Variants in KDM3A observed in about 807,000 individuals in gnomAD.
The protein encoded by KDM3A is lysine-specific demethylase 3A.
Under a neutral mutation model 158.0 loss-of-function variants are expected in KDM3A, and 60 were observed. That is an observed-to-expected ratio of 0.38 (90% CI 0.31 to 0.47). KDM3A has a LOEUF of 0.47. Ranked by LOEUF, KDM3A falls within the 20% of genes least tolerant of loss-of-function variation. The pLI, the probability that KDM3A is intolerant of heterozygous loss-of-function variation, is 0.99. For missense variants in KDM3A, 1,319 were observed against 1,574.3 expected (o/e 0.84, Z 2.74); for synonymous variants, 608 against 549.3 (o/e 1.11, Z -1.49).
intron 25 of KDM3A, chr2:86,491,780 G>GT (rs780311952): frequency 2.1e-6 from 1 of 465,490 alleles, no homozygotes; most frequent in Non-Finnish European, 3.9e-6. Context: ...GCCTCTCCCT[G>GT]TACTCACTGT....
chr2:86,467,468 AAG>A (rs1453241872), intron 10 of KDM3A: 1 of 152,274 alleles, frequency 6.6e-6, no homozygotes, highest in Non-Finnish European at 1.5e-5. Context: ...AACTACCAGG[AAG>A]AGTCTCTTTG....
intron 11 of KDM3A, among the ~76,000 whole-genome samples, chr2:86,471,289 GTATATATGTGTGTATGTGTATATA>G (rs1673392022): frequency 6.7e-6 from 1 of 150,094 alleles, no homozygotes. Flanking sequence ...GTGTATATAT[GTATATATGTGTGTATGTGTATATA>G]TGTGTATATG....
intron 1 of KDM3A, 77 bp downstream of exon 1, chr2:86,441,521 G>T (rs1682703007): frequency 6.6e-6 from 1 of 150,920 alleles, no homozygotes. Context: ...CCCGTCGCCC[G>T]TTGGCAGCGG....
In KDM3A at chr2:86,450,959, A is replaced by C. The variant is rs930699627; in HGVS notation, c.343-144A>C. The C allele has an allele frequency of 7.1e-6, 4 of 562,248 alleles. No homozygotes were observed. The African/African-American group carries it at 7.6e-5, about 11-fold the overall frequency. The allele number at this position is 562,248 out of a possible 1,614,324, so 34.8% of individuals were successfully genotyped here. A position where few individuals can be genotyped will look rare whatever the true frequency, so the allele number is the denominator to read the frequency against. On this transcript the variant is annotated intron_variant, in intron 3 of 25. Transcript: ENST00000312912. ...AAAATTGTATTATCTATGGCTGCAT[A>C]AATAGTTGTTATGAGATAACTTGCA...
At chr2:86,489,820 C>T (rs1228232714) in intron 23 of KDM3A, 161 bp downstream of exon 23, 1 of 655,420 alleles carries the variant, frequency 1.5e-6, no homozygotes, top group Non-Finnish European at 2.5e-6. Context: ...TGCTAAGGAA[C>T]AAGGATTCTA....
intron 11 of KDM3A, among the ~76,000 whole-genome samples, chr2:86,471,253 G>GTGTGTATATATA (rs1449217204): frequency 1.1e-4 from 17 of 151,088 alleles, no homozygotes; most frequent in Admixed American, 7.2e-4. Flanking sequence ...GTGAATATAT[G>GTGTGTATATATA]TGTGTATATA....
At position 86,458,707 on chromosome 2, in the gene KDM3A, T is replaced by A. The variant is rs113321235; in HGVS notation, c.843+1636T>A. On this transcript the variant is annotated intron_variant, in intron 8 of 25. Transcript: ENST00000312912. Reference sequence around the variant, plus strand: ...GACAGGGAGGACGTGTCTTGTTTGGTGAAGGGCAAATGTTTCATTGTGGCA... The same window carrying A: ...GACAGGGAGGACGTGTCTTGTTTGGAGAAGGGCAAATGTTTCATTGTGGCA... Among the ~76,000 whole-genome samples, 492 of 152,138 alleles carry A rather than the reference T, an allele frequency of 3.2e-3. 3 individuals carry two copies. Among genetic ancestry groups the A allele is most frequent in the African/African-American group, 0.011 (465 of 41,486 alleles).
In KDM3A at chr2:86,492,337, C is replaced by T. The variant is rs760105928; in HGVS notation, c.*218C>T. 2 of 475,354 alleles carry T rather than the reference C, an allele frequency of 4.2e-6. No individual in the cohort carries two copies. The highest frequency in any genetic ancestry group is 7.5e-6 in the Non-Finnish European group (2 of 265,416). The allele number at this position is 475,354 out of a possible 1,614,324, so 29.4% of individuals were successfully genotyped here. On this transcript the variant is annotated 3_prime_UTR_variant, in exon 26 of 26. Transcript: ENST00000312912. ...CATGCATCCTTAAACTGTGACTTCT[C>T]ACCTAGTGCAGAACTTTTACCAGGC...
At chr2:86,464,821 G>A (rs575570398) in intron 9 of KDM3A, among the ~76,000 whole-genome samples, 28 of 152,352 alleles carry the variant, frequency 1.8e-4, no homozygotes, top group Admixed American at 1.0e-3. Flanking sequence ...GGTGGCCTGC[G>A]TAGGCAGGCA....
At chr2:86,475,556 G>T (rs557722482) in intron 12 of KDM3A, among the ~76,000 whole-genome samples, 22 of 152,174 alleles carry the variant, frequency 1.4e-4, no homozygotes, top group Non-Finnish European at 2.9e-4. Context: ...TTAAGCCACA[G>T]GAATCAGGGT....
chr2:86,488,246 C>T (rs988670480), intron 21 of KDM3A: 5 of 152,080 alleles, frequency 3.3e-5, no homozygotes, highest in Non-Finnish European at 7.4e-5. Flanking sequence ...TTGCTTTTTA[C>T]TATGGAACTA....
chr2:86,466,850 T>C lies in KDM3A; in HGVS notation c.1486T>C (p.Cys496Arg). The stretch of plus-strand genomic sequence containing the variant: ...TTCAGTAAAAGTAGATAATGAAAGC[T>C]GTTGTTCAAGAAGCAACAATAAAAT... Reference protein sequence around the residue: ...ESSVKVDNESCCSRSNNKIQN... With the variant: ...ESSVKVDNESRCSRSNNKIQN... The change falls in exon 10 of 26, where the codon TGT (cysteine) becomes CGT (arginine). Residue 496 changes from cysteine (C) to arginine (R), a missense_variant. Coordinates refer to ENST00000312912, the MANE Select transcript of KDM3A (RefSeq NM_018433.6). 6.2e-7 allele frequency: 1 copy of C among 1,608,468 alleles called. No individual in the cohort carries two copies. Among genetic ancestry groups the C allele is most frequent in the Non-Finnish European group, 8.5e-7 (1 of 1,177,760 alleles).
In KDM3A at chr2:86,484,022, C is replaced by G; in HGVS notation, c.2958C>G (p.Asn986Lys). ...TGTCTGGAGTGCATCATAAATTGAACTCTGAACTTTGGAAACCTGAATCCT... is the reference window on the plus strand; with the variant it reads ...TGTCTGGAGTGCATCATAAATTGAAGTCTGAACTTTGGAAACCTGAATCCT... ...VMVSGVHHKLNSELWKPESFR... is the reference protein window; with the variant it reads ...VMVSGVHHKLKSELWKPESFR... Residue 986 changes from asparagine (N) to lysine (K), a missense_variant, in exon 19 of 26, where the codon AAC becomes AAG. Physicochemically the swap from Asn to Lys is moderately conservative, Grantham distance 94 (BLOSUM62 0). This residue lies in a region of KDM3A where 368 missense variants were observed against 415.8 expected (regional missense o/e 0.89). Coordinates refer to ENST00000312912, the MANE Select transcript of KDM3A (RefSeq NM_018433.6). 6.2e-7 allele frequency: 1 copy of G among 1,613,862 alleles called. No homozygotes were observed. Among genetic ancestry groups the G allele is most frequent in the Non-Finnish European group, 8.5e-7 (1 of 1,179,868 alleles).
chr2:86,453,689 A>C (rs1672565934), intron 4 of KDM3A, among the ~76,000 whole-genome samples: 1 of 152,344 alleles, frequency 6.6e-6, no homozygotes, highest in South Asian at 2.1e-4. Flanking sequence ...TGCATGAGAA[A>C]AAAACAAAAA....
intron 10 of KDM3A, chr2:86,467,248 T>G (rs1673196836): frequency 6.3e-6 from 1 of 158,406 alleles, no homozygotes; most frequent in Admixed American, 6.2e-5. Context: ...TGGTTCCCAA[T>G]TCTTAGGTTA....
intron 16 of KDM3A, among the ~76,000 whole-genome samples, chr2:86,481,339 G>A (rs758500165): frequency 6.6e-6 from 1 of 152,086 alleles, no homozygotes; most frequent in African/African-American, 2.4e-5. Flanking sequence ...ACTGCACTCT[G>A]CCTCCCAGGT....
chr2:86,472,163 C>CTT (rs36028213), intron 11 of KDM3A, among the ~76,000 whole-genome samples: 40 of 148,764 alleles, frequency 2.7e-4, no homozygotes, highest in South Asian at 1.3e-3. Flanking sequence ...ATGATTAGAG[C>CTT]TTTTTTTTTT....
chr2:86,470,148 T>C (rs1350846385), intron 10 of KDM3A, 56 bp from the exon 11 acceptor site: 3 of 1,404,922 alleles, frequency 2.1e-6, no homozygotes, highest in Non-Finnish European at 3.0e-6. Flanking sequence ...CAGTCATATA[T>C]GAATGTGATT....
intron 19 of KDM3A, among the ~76,000 whole-genome samples, chr2:86,484,494 G>A (rs911325825): frequency 6.6e-6 from 1 of 152,206 alleles, no homozygotes. Flanking sequence ...GTGCATTGCT[G>A]TTGGTTAGTT....
Sources: gnomAD v4.1 joint callset for allele counts (sites outside exome capture counted in the v4.1 genomes callset) on GRCh38, gnomAD v4.1.1 for gene constraint, gnomAD v4.1.1 regional missense constraint, MANE v1.5 for transcripts, NCBI Gene and HGNC (gene_info 2026-07-23, HGNC 2026-07-21) for gene names.